Variants in CAMK1 observed in about 807,000 individuals in gnomAD.
CAMK1 encodes the protein calcium/calmodulin dependent protein kinase I, also known as calcium/calmodulin-dependent protein kinase type 1.
CAMK1 carries 39 observed loss-of-function variants against 49.1 expected under a neutral mutation model. The observed-to-expected ratio is 0.79, with a 90% CI of 0.62 to 1.04. The LOEUF is 1.04. CAMK1 is among the 50% of genes least tolerant of loss of function. CAMK1 has a pLI of 0.00. For missense variants in CAMK1, 457 were observed against 472.2 expected, an observed-to-expected ratio of 0.97 and a Z score of 0.30; for synonymous variants, 192 against 185.2, an observed-to-expected ratio of 1.04 and a Z score of -0.30.
At chr3:9,766,103 C>A in intron 2 of CAMK1, 1 of 1,428,082 alleles carries the variant, frequency 7.0e-7, no homozygotes, top group South Asian at 1.2e-5. Context: ...AGTAATTGGT[C>A]ATGTGATGCA....
chr3:9,759,077 C>T (rs1434626981), intron 10 of CAMK1: 1 of 907,734 alleles, frequency 1.1e-6, no homozygotes, highest in Non-Finnish European at 1.8e-6. Flanking sequence ...GGGCTCCTGC[C>T]TCTCAGTCCC....
intron 5 of CAMK1, 140 bp from the exon 6 acceptor site, chr3:9,761,897 A>G: frequency 7.2e-6 from 10 of 1,382,346 alleles, no homozygotes; most frequent in Non-Finnish European, 9.6e-6. Context: ...AAGAAAATCA[A>G]GGAAGCTCTC....
intron 5 of CAMK1, among the ~76,000 whole-genome samples, 186 bp downstream of exon 5, chr3:9,762,728 A>G (rs2077943806): frequency 6.6e-6 from 1 of 151,750 alleles, no homozygotes; most frequent in Admixed American, 6.6e-5. Context: ...CACACAATTC[A>G]CTCGTGTTCC....
intron 7 of CAMK1, 101 bp downstream of exon 7, chr3:9,761,360 G>A: frequency 8.4e-7 from 1 of 1,193,396 alleles, no homozygotes; most frequent in Non-Finnish European, 1.2e-6. Flanking sequence ...GGGAGGGAGG[G>A]AAGGAAGGGA....
rs542199972 is a variant in CAMK1 at position 9,763,872 on chromosome 3, G to C, written c.216-659C>G. Among the ~76,000 whole-genome samples the C allele has an allele frequency of 3.8e-4, 58 of 152,282 alleles. 1 individual carries two copies. In the South Asian group the frequency reaches 0.012, roughly 32 times the overall value. On this transcript the variant is annotated intron_variant, in intron 3 of 11. Transcript: ENST00000256460. Reference sequence around the variant, plus strand: ...ATGGTGGCACATGCCTGTAATCCCAGCTATCTGTGAGGCTGAGGCAGGAGA... The same window carrying C: ...ATGGTGGCACATGCCTGTAATCCCACCTATCTGTGAGGCTGAGGCAGGAGA...
chr3:9,765,025 G>A lies in CAMK1; in HGVS notation c.215+734C>T, dbSNP rs183685542. ...GTGGATCACCTGAGGTCAGGAGTTCGAGACCAGCCTGGCCAACATGGCGAA... is the reference window on the plus strand; with the variant it reads ...GTGGATCACCTGAGGTCAGGAGTTCAAGACCAGCCTGGCCAACATGGCGAA... On this transcript the variant is annotated intron_variant, in intron 3 of 11. Coordinates refer to ENST00000256460, the MANE Select transcript of CAMK1 (RefSeq NM_003656.5). 1.6e-3 allele frequency among the ~76,000 whole-genome samples: 243 copies of A among 151,732 alleles called. 3 individuals carry two copies. The highest frequency in any genetic ancestry group is 0.011 in the Admixed American group (161 of 15,216).
Position 9,759,675 on chromosome 3 carries a change from G to A in CAMK1, c.821C>T (p.Pro274Leu). The change falls in exon 9 of 12, where the codon CCA becomes CTA. Residue 274 changes from proline to leucine, a missense_variant. Transcript: ENST00000256460. ...CACAGGTTGTGTGAATTCTCACCAT[G>A]GGTGCTGCAAGGCCTGCTCACAGGT... is the stretch of plus-strand genomic sequence containing the variant. ...RFTCEQALQH[P>L]WIAGDTALDK... The A allele has an allele frequency of 6.2e-7, 1 of 1,614,202 alleles. No homozygotes were observed. The highest frequency in any genetic ancestry group is 8.5e-7 in the Non-Finnish European group (1 of 1,180,040).
Position 9,757,478 on chromosome 3 carries a change from AG to A in CAMK1, c.*60del. 1 of 1,603,206 alleles carries A rather than the reference AG, an allele frequency of 6.2e-7. No homozygotes were observed. On this transcript the variant is annotated 3_prime_UTR_variant, in exon 12 of 12. Transcript: ENST00000256460. The surrounding 1 kb of genome is among the most constrained non-coding windows in gnomAD (Gnocchi z 4.5). ...GAGAAACTCCCGGTTCAGGGAGGGAAGGGGAGCAGGCTGCCCCCAAGCCCTC... is the reference window on the plus strand; with the variant it reads ...GAGAAACTCCCGGTTCAGGGAGGGAAGGGAGCAGGCTGCCCCCAAGCCCTC...
intron 10 of CAMK1, chr3:9,759,177 T>A: frequency 6.2e-7 from 1 of 1,604,268 alleles, no homozygotes; most frequent in Non-Finnish European, 8.5e-7. Flanking sequence ...AATTCCTACT[T>A]AACTGACAGC....
chr3:9,759,437 T>TGGGGAGGAGTCCTGGGGAGGC (rs2077740131), intron 10 of CAMK1, 51 bp downstream of exon 10: 2 of 1,612,632 alleles, frequency 1.2e-6, no homozygotes, highest in Non-Finnish European at 1.7e-6. Context: ...TGGGTAGGGA[T>TGGGGAGGAGTCCTGGGGAGGC]GGGGAGGAGT....
chr3:9,761,979 T>G, intron 5 of CAMK1: 1 of 567,134 alleles, frequency 1.8e-6, no homozygotes, highest in Non-Finnish European at 3.1e-6. Flanking sequence ...AAACCTCAGG[T>G]GTGCACTGTA....
intron 8 of CAMK1, chr3:9,759,979 A>G: frequency 1.9e-6 from 1 of 538,224 alleles, no homozygotes; most frequent in Non-Finnish European, 3.2e-6. Context: ...ACAGTGGCTC[A>G]TGTCTGTAAT....
chr3:9,766,125 T>G, intron 2 of CAMK1: 1 of 1,239,496 alleles, frequency 8.1e-7, no homozygotes, highest in Non-Finnish European at 1.2e-6. Flanking sequence ...GCCAGCTTAC[T>G]AGCACTTTGA....
Position 9,760,777 on chromosome 3 carries a change from G to T in CAMK1, c.633-9C>A. 6.2e-7 allele frequency: 1 copy of T among 1,613,924 alleles called. No homozygotes were observed. Among genetic ancestry groups the T allele is most frequent in the South Asian group, 1.1e-5 (1 of 91,066 alleles). ...GAGGGTAACCGCAGAGCCTGGGCAG[G>T]GAGAAACTCATCCTCATTTCCACTT... is the stretch of plus-strand genomic sequence containing the variant. On this transcript the variant is annotated splice_polypyrimidine_tract_variant and intron_variant, in intron 7 of 11. Transcript: ENST00000256460.
At position 9,763,052 on chromosome 3, in the gene CAMK1, C is replaced by A. The variant is rs766621313; in HGVS notation, c.291G>T (p.Leu97=). The change falls in exon 5 of 12, where the codon CTG becomes CTT. Residue 97 remains leucine, a splice_region_variant and synonymous_variant. Transcript: ENST00000256460. ...GGTCAAAGAGCTCCCCACCCGACAC[C>A]CTGCAGCAGGGGATAGGGCAGTCTG... ...SGGHLYLIMQ[L]VSGGELFDRI... The A allele has an allele frequency of 6.2e-7, 1 of 1,614,134 alleles. No individual in the cohort carries two copies. Among genetic ancestry groups the A allele is most frequent in the South Asian group, 1.1e-5 (1 of 91,086 alleles).
chr3:9,759,224 G>A (rs1232889888), intron 10 of CAMK1: 2 of 1,614,156 alleles, frequency 1.2e-6, no homozygotes, highest in Admixed American at 1.7e-5. Flanking sequence ...ACCTTTCTCG[G>A]ACCCCATAGG....
Position 9,761,446 on chromosome 3 carries a change from C to G in CAMK1, c.632+15G>C. On this transcript the variant is annotated intron_variant, in intron 7 of 11. Coordinates refer to ENST00000256460, the MANE Select transcript of CAMK1 (RefSeq NM_003656.5). ...ACTCTGGAGCCACAGCCTACCATGG[C>G]CAAGCCCCACTTACAAGATGTAGGC... 2 of 1,604,460 alleles carry G rather than the reference C, an allele frequency of 1.2e-6. No individual in the cohort carries two copies. The highest frequency in any genetic ancestry group is 1.7e-6 in the Non-Finnish European group (2 of 1,174,400).
intron 8 of CAMK1, 27 bp downstream of exon 8, chr3:9,760,629 A>C (rs774260794): frequency 3.1e-6 from 5 of 1,612,546 alleles, no homozygotes; most frequent in Non-Finnish European, 4.2e-6. Context: ...GGCAGGGCCC[A>C]GGGGAAAAAA....
intron 6 of CAMK1, 42 bp downstream of exon 6, chr3:9,761,589 G>A (rs1446455882): frequency 6.2e-7 from 1 of 1,613,258 alleles, no homozygotes; most frequent in Non-Finnish European, 8.5e-7. Flanking sequence ...TCAACTCCTG[G>A]TTCCCCCCAC....
Sources: gnomAD v4.1 joint callset for allele counts (sites outside exome capture counted in the v4.1 genomes callset) on GRCh38, gnomAD v4.1.1 for gene constraint, Gnocchi (gnomAD v3.1) non-coding constraint, MANE v1.5 for transcripts, NCBI Gene and HGNC (gene_info 2026-07-23, HGNC 2026-07-21) for gene names.